The following FOXR1 variants were observed in gnomAD, a reference collection of about 807,000 sequenced individuals.
FOXR1 encodes forkhead box protein R1.
In FOXR1, 25 loss-of-function variants were observed where a neutral mutation model predicts 34.5. That is an observed-to-expected ratio of 0.72 (90% CI 0.53 to 1.01). The LOEUF (loss-of-function observed/expected upper bound fraction) is 1.01, where lower values mean the gene tolerates loss of function less well. FOXR1 is among the 50% of genes least tolerant of loss of function. The probability of loss-of-function intolerance (pLI) is 0.00; values close to 1 mark genes in which losing one functional copy is unlikely to be tolerated. For synonymous variants in FOXR1, 153 were observed against 141.6 expected, an observed-to-expected ratio of 1.08 and a Z score of -0.57; for missense variants, 373 against 376.2, an observed-to-expected ratio of 0.99 and a Z score of 0.07.
chr11:118,978,904 C>G, intron 2 of FOXR1, 48 bp downstream of exon 2: 1 of 1,614,062 alleles, frequency 6.2e-7, no homozygotes, highest in Admixed American at 1.7e-5. Flanking sequence ...GGCTGGAGAC[C>G]AGGGGCACCC....
Position 118,971,840 on chromosome 11 carries a change from C to T in FOXR1, c.-92C>T. The T allele has an allele frequency of 7.0e-7, 1 of 1,428,826 alleles. No individual in the cohort carries two copies. 88.5% of individuals were successfully genotyped at this position (1,428,826 alleles called of 1,614,324 possible). On this transcript the variant is annotated 5_prime_UTR_variant, in exon 1 of 6. Transcript: ENST00000317011. ...GCGTCCCCACTCCGCGCCGCCGCGC[C>T]TCTGCCAGCCCCGAAGGTGGACGTG...
At chr11:118,979,815 C>G (rs887760611) in intron 4 of FOXR1, 147 bp downstream of exon 4, 9 of 695,888 alleles carry the variant, frequency 1.3e-5, no homozygotes, top group Non-Finnish European at 2.1e-5. Context: ...TCCCTTTTCC[C>G]AGGTGCATTT....
chr11:118,972,920 C>T lies in FOXR1; in HGVS notation c.61+928C>T, dbSNP rs146061231. On this transcript the variant is annotated intron_variant, in intron 1 of 5. Transcript: ENST00000317011. ...TCCTTTTGCCCCTTAAGTCTCCACCCCTCCTTCCATTACCTCTGCTGCTCC... is the reference window on the plus strand; with the variant it reads ...TCCTTTTGCCCCTTAAGTCTCCACCTCTCCTTCCATTACCTCTGCTGCTCC... 3.3e-3 allele frequency among the ~76,000 whole-genome samples: 497 copies of T among 152,236 alleles called. 1 individual carries two copies. Among genetic ancestry groups the T allele is most frequent in the African/African-American group, 0.011 (475 of 41,532 alleles).
chr11:118,976,554 G>A (rs1941782633), intron 1 of FOXR1, among the ~76,000 whole-genome samples: 1 of 152,198 alleles, frequency 6.6e-6, no homozygotes, highest in Admixed American at 6.5e-5. Flanking sequence ...GCTAAACCAG[G>A]AGGTCAGTAG....
intron 1 of FOXR1, among the ~76,000 whole-genome samples, chr11:118,975,058 G>A (rs1941763179): frequency 6.6e-6 from 1 of 152,146 alleles, no homozygotes; most frequent in Non-Finnish European, 1.5e-5. Flanking sequence ...GTATATGGGT[G>A]GAACTTAAGG....
At chr11:118,980,383 C>T in intron 4 of FOXR1, 107 bp from the exon 5 acceptor site, 1 of 1,293,610 alleles carries the variant, frequency 7.7e-7, no homozygotes, top group Non-Finnish European at 1.1e-6. Flanking sequence ...CTACTATCCC[C>T]CTGGAGAGAA....
intron 1 of FOXR1, among the ~76,000 whole-genome samples, chr11:118,978,336 CAG>C (rs1467561590): frequency 6.6e-6 from 1 of 152,034 alleles, no homozygotes; most frequent in Non-Finnish European, 1.5e-5. Flanking sequence ...GCCTGTGCAA[CAG>C]AGCAAGACCC....
intron 1 of FOXR1, among the ~76,000 whole-genome samples, chr11:118,972,202 T>G (rs1831172929): frequency 4.2e-5 from 6 of 144,468 alleles, no homozygotes; most frequent in East Asian, 2.3e-4. Flanking sequence ...CGGGAGTGGT[T>G]TGGGGGGTGG....
chr11:118,981,285 A>G lies in FOXR1; in HGVS notation c.*49A>G. On this transcript the variant is annotated 3_prime_UTR_variant, in exon 6 of 6. Coordinates refer to ENST00000317011, the MANE Select transcript of FOXR1 (RefSeq NM_181721.3). The stretch of plus-strand genomic sequence containing the variant: ...ATGCTTTATTAAAATTACCCTCACT[A>G]GCCTTCTGTGTGTGTCTGTGGAGGT... 14 of 1,592,166 alleles carry G rather than the reference A, an allele frequency of 8.8e-6. No homozygotes were observed. Among genetic ancestry groups the G allele is most frequent in the Non-Finnish European group, 1.2e-5 (14 of 1,160,186 alleles).
rs1428955819 is a variant in FOXR1 at position 118,979,490 on chromosome 11, G to A, written c.433G>A (p.Ala145Thr). Residue 145 changes from alanine (A) to threonine (T), a missense_variant, in exon 4 of 6, where the codon GCT becomes ACT. Transcript: ENST00000317011. ...AEDQEDSSSM[A>T]LPSPHKRAPL... Reference sequence around the variant, plus strand: ...GGACCAGGAAGACAGCTCCTCTATGGCTCTCCCATCCCCTCACAAAAGGGC... The same window carrying A: ...GGACCAGGAAGACAGCTCCTCTATGACTCTCCCATCCCCTCACAAAAGGGC... 6.2e-7 allele frequency: 1 copy of A among 1,612,826 alleles called. No individual in the cohort carries two copies.
intron 4 of FOXR1, among the ~76,000 whole-genome samples, chr11:118,979,996 C>T (rs924965966): frequency 1.8e-4 from 28 of 152,134 alleles, no homozygotes; most frequent in African/African-American, 6.5e-4. Context: ...GTTTCCCCAA[C>T]GGTTCCCACC....
intron 1 of FOXR1, among the ~76,000 whole-genome samples, chr11:118,974,446 C>A (rs1941754616): frequency 6.6e-6 from 1 of 152,232 alleles, no homozygotes; most frequent in South Asian, 2.1e-4. Flanking sequence ...CTCGAGCAAT[C>A]CTCCTACCTC....
At chr11:118,973,066 C>G (rs908550907) in intron 1 of FOXR1, among the ~76,000 whole-genome samples, 1 of 146,372 alleles carries the variant, frequency 6.8e-6, no homozygotes, top group Non-Finnish European at 1.5e-5. Context: ...AGTATTCTAT[C>G]GGCTGGGTGT....
At chr11:118,973,816 C>G (rs1941745959) in intron 1 of FOXR1, among the ~76,000 whole-genome samples, 1 of 151,824 alleles carries the variant, frequency 6.6e-6, no homozygotes, top group Non-Finnish European at 1.5e-5. Flanking sequence ...GCTTCAGCCT[C>G]ACCAGTAGCT....
chr11:118,980,715 C>T lies in FOXR1; in HGVS notation c.837C>T (p.Cys279=). The T allele has an allele frequency of 2.5e-6, 4 of 1,612,420 alleles. No individual in the cohort carries two copies. The highest frequency in any genetic ancestry group is 3.4e-6 in the Non-Finnish European group (4 of 1,179,750). Residue 279 remains cysteine (C), a synonymous_variant, in exon 5 of 6, where the codon TGC becomes TGT. Transcript: ENST00000317011. The part of the protein sequence containing the change: ...ASTRLESIQQ[C]MSQPDVMPFL... ...CTCGGCTAGAAAGTATCCAACAGTG[C>T]ATGAGCCAGCCAGGTGTGAAGACTT...
chr11:118,972,134 C>CA lies in FOXR1; in HGVS notation c.61+142_61+143insA, dbSNP rs925000652. 7 of 567,376 alleles carry CA rather than the reference C, an allele frequency of 1.2e-5. No homozygotes were observed. In the Admixed American group the frequency reaches 1.6e-4, roughly 13 times the overall value. The allele number at this position is 567,376 out of a possible 1,614,324, so 35.1% of individuals were successfully genotyped here. On this transcript the variant is annotated intron_variant, in intron 1 of 5. Transcript: ENST00000317011. ...TGGGGGGCCGAGCGCCCCGCGCCCC[C>CA]CCCCCCCGACGGCTTAGCTCCGCCG...
chr11:118,977,500 G>A (rs1941793310), intron 1 of FOXR1, among the ~76,000 whole-genome samples: 1 of 152,062 alleles, frequency 6.6e-6, no homozygotes, highest in Non-Finnish European at 1.5e-5. Flanking sequence ...AGATTGCAGT[G>A]AGCCGGTGTC....
chr11:118,981,215 G>A lies in FOXR1; in HGVS notation c.858G>A (p.Met286Ile). ...IQQCMSQPDV[M>I]PFLFDL ...TCTCTCCTTTTCTTACAGATGTGAT[G>A]CCCTTCCTCTTTGATCTTTAACCCC... Residue 286 changes from methionine to isoleucine, a missense_variant, in exon 6 of 6, where the codon ATG becomes ATA. Physicochemically the swap from Met to Ile is conservative, Grantham distance 10. Transcript: ENST00000317011. The A allele has an allele frequency of 6.2e-7, 1 of 1,614,138 alleles. No individual in the cohort carries two copies. Among genetic ancestry groups the A allele is most frequent in the Non-Finnish European group, 8.5e-7 (1 of 1,180,012 alleles).
chr11:118,972,081 G>A, intron 1 of FOXR1, 89 bp downstream of exon 1: 1 of 1,237,486 alleles, frequency 8.1e-7, no homozygotes, highest in Non-Finnish European at 1.1e-6. Context: ...CGGCTCCCCA[G>A]CCTTCGCCCC....
Sources: gnomAD v4.1 joint callset for allele counts (sites outside exome capture counted in the v4.1 genomes callset) on GRCh38, gnomAD v4.1.1 for gene constraint, MANE v1.5 for transcripts, NCBI Gene and HGNC (gene_info 2026-07-23, HGNC 2026-07-21) for gene names.